ERBB4: variants seen among roughly 807,000 people sequenced by gnomAD.
ERBB4 encodes the protein erb-b2 receptor tyrosine kinase 4.
In ERBB4, 42 loss-of-function variants were observed where a neutral mutation model predicts 158.0. That is an observed-to-expected ratio of 0.27 (90% CI 0.21 to 0.34). ERBB4 has a LOEUF of 0.34. Among genes scored for constraint, ERBB4 ranks in the 10% least tolerant of loss-of-function variants. The pLI is 1.00. For missense variants in ERBB4, 1,333 were observed against 1,624.1 expected, an observed-to-expected ratio of 0.82 and a Z score of 3.08; for synonymous variants, 583 against 558.7, an observed-to-expected ratio of 1.04 and a Z score of -0.61.
At chr2:211,968,961 C>G (rs981376744) in intron 2 of ERBB4, among the ~76,000 whole-genome samples, 1 of 151,956 alleles carries the variant, frequency 6.6e-6, no homozygotes, top group East Asian at 1.9e-4. Flanking sequence ...TAGTAATGTA[C>G]ATTTTCTGAA....
intron 1 of ERBB4, among the ~76,000 whole-genome samples, chr2:212,326,290 G>C (rs1414397625): frequency 5.3e-5 from 8 of 150,676 alleles, no homozygotes; most frequent in Non-Finnish European, 1.0e-4. Context: ...TCGTATCACT[G>C]TTATCTTTCT....
intron 1 of ERBB4, among the ~76,000 whole-genome samples, chr2:212,445,616 G>A (rs894153139): frequency 1.3e-5 from 2 of 152,216 alleles, no homozygotes; most frequent in Non-Finnish European, 2.9e-5. Context: ...GGAAGCATAT[G>A]CATGGAATAC....
At chr2:211,519,165 G>A (rs2066122485) in intron 20 of ERBB4, among the ~76,000 whole-genome samples, 1 of 152,052 alleles carries the variant, frequency 6.6e-6, no homozygotes, top group South Asian at 2.1e-4. Flanking sequence ...GGTAAATGAT[G>A]ACAAATTATG....
intron 2 of ERBB4, among the ~76,000 whole-genome samples, chr2:212,086,685 A>G (rs1291088763): frequency 6.6e-6 from 1 of 152,148 alleles, no homozygotes; most frequent in South Asian, 2.1e-4. Flanking sequence ...TAAGATTTCA[A>G]ATAAAACTCC....
chr2:212,405,379 C>T (rs2091317106), intron 1 of ERBB4, among the ~76,000 whole-genome samples: 3 of 151,896 alleles, frequency 2.0e-5, no homozygotes, highest in Admixed American at 6.6e-5. Context: ...ACTTATATAC[C>T]GTTAGCAGGT....
At chr2:211,443,122 C>T (rs1574498277) in intron 20 of ERBB4, among the ~76,000 whole-genome samples, 1 of 152,030 alleles carries the variant, frequency 6.6e-6, no homozygotes, top group East Asian at 1.9e-4. Context: ...TTCATCCTTA[C>T]TCTTTCTATT....
intron 2 of ERBB4, among the ~76,000 whole-genome samples, chr2:212,051,410 G>C (rs1245448564): frequency 6.6e-6 from 1 of 152,078 alleles, no homozygotes; most frequent in African/African-American, 2.4e-5. Flanking sequence ...TAAACATCAT[G>C]AACTCACATA....
intron 1 of ERBB4, among the ~76,000 whole-genome samples, chr2:212,131,000 C>T (rs146297903): frequency 1.3e-5 from 2 of 152,168 alleles, no homozygotes; most frequent in African/African-American, 4.8e-5. Context: ...TATTGTTGGG[C>T]ATTAAAAAAT....
In ERBB4 at chr2:212,187,421, T is replaced by TAAATAAATAAATA. The variant is rs61071336; in HGVS notation, c.83-62519_83-62518insTATTTATTTATTT. Reference sequence around the variant, plus strand: ...ATGTACCCTAAAACTTAAAGTATAATAATAAATAAATAAATAAATAAATAA... The same window carrying TAAATAAATAAATA: ...ATGTACCCTAAAACTTAAAGTATAATAAATAAATAAATAAATAAATAAATAAATAAATAAATAA... On this transcript the variant is annotated intron_variant, in intron 1 of 27. Transcript: ENST00000342788. Among the ~76,000 whole-genome samples the TAAATAAATAAATA allele has an allele frequency of 8.9e-3, 1,300 of 146,760 alleles. 17 individuals carry two copies. The highest frequency in any genetic ancestry group is 0.039 in the Middle Eastern group (11 of 284).
chr2:211,644,855 T>G (rs1236458767), intron 16 of ERBB4, among the ~76,000 whole-genome samples: 1 of 152,020 alleles, frequency 6.6e-6, no homozygotes, highest in Non-Finnish European at 1.5e-5. Context: ...TTTTCAGTCT[T>G]TAAAGCTTTC....
chr2:212,460,946 T>A (rs577772488), intron 1 of ERBB4, among the ~76,000 whole-genome samples: 1 of 152,202 alleles, frequency 6.6e-6, no homozygotes, highest in African/African-American at 2.4e-5. Flanking sequence ...AGGGTCCCCA[T>A]GCTGTTTGCA....
intron 20 of ERBB4, among the ~76,000 whole-genome samples, chr2:211,497,113 ATTAC>A (rs1271619288): frequency 3.3e-5 from 5 of 152,158 alleles, no homozygotes; most frequent in African/African-American, 1.2e-4. Context: ...AATTAGACTT[ATTAC>A]TTACTTACAT....
intron 19 of ERBB4, among the ~76,000 whole-genome samples, chr2:211,567,371 G>C (rs1052138082): frequency 1.3e-5 from 2 of 152,072 alleles, no homozygotes; most frequent in African/African-American, 4.8e-5. Context: ...ATTATGCTTT[G>C]CTTCCTGAGA....
chr2:212,007,314 T>C (rs567598461), intron 2 of ERBB4, among the ~76,000 whole-genome samples: 1 of 151,986 alleles, frequency 6.6e-6, no homozygotes, highest in South Asian at 2.1e-4. Context: ...TATTACTGTC[T>C]TAAAATTATC....
At chr2:212,020,932 T>C (rs1299998997) in intron 2 of ERBB4, among the ~76,000 whole-genome samples, 1 of 152,142 alleles carries the variant, frequency 6.6e-6, no homozygotes, top group African/African-American at 2.4e-5. Flanking sequence ...GATTTTCTTA[T>C]CATTAAAATC....
At chr2:211,639,141 A>G (rs116543669) in intron 16 of ERBB4, among the ~76,000 whole-genome samples, 2,006 of 152,260 alleles carry the variant, frequency 0.013, 56 homozygotes, top group African/African-American at 0.046. Context: ...ATACAATATC[A>G]TATATCTATA....
At chr2:211,537,506 CT>C (rs566653299) in intron 20 of ERBB4, among the ~76,000 whole-genome samples, 85 of 152,082 alleles carry the variant, frequency 5.6e-4, no homozygotes, top group African/African-American at 2.0e-3. Flanking sequence ...GTTCTCTTAA[CT>C]CAGGCCCTTC....
chr2:212,174,930 T>C (rs2081616292), intron 1 of ERBB4, among the ~76,000 whole-genome samples: 1 of 152,070 alleles, frequency 6.6e-6, no homozygotes, highest in Non-Finnish European at 1.5e-5. Context: ...TCTCTTGCCA[T>C]TCTACCTAAT....
intron 1 of ERBB4, among the ~76,000 whole-genome samples, chr2:212,511,055 C>CA (rs940883595): frequency 4.6e-5 from 7 of 151,822 alleles, no homozygotes; most frequent in Non-Finnish European, 8.8e-5. Context: ...GGCATGTACT[C>CA]AAAAAAACGG....
Sources: allele counts gnomAD v4.1 joint callset (sites outside exome capture counted in the v4.1 genomes callset), GRCh38; gene constraint gnomAD v4.1.1; transcripts MANE v1.5; gene names NCBI Gene and HGNC (gene_info 2026-07-23, HGNC 2026-07-21).